The following CENPP variants were observed in gnomAD, a reference collection of about 807,000 sequenced individuals.
CENPP encodes the protein centromere protein P.
Under a neutral mutation model 35.6 loss-of-function variants are expected in CENPP, and 24 were observed. The ratio of observed to expected loss-of-function variants is 0.67; its 90% CI spans 0.49 to 0.95. The LOEUF (loss-of-function observed/expected upper bound fraction) is 0.95, where lower values mean the gene tolerates loss of function less well. Among genes scored for constraint, CENPP ranks in the 40% least tolerant of loss-of-function variants. The pLI is 0.00. For synonymous variants in CENPP, 120 were observed against 125.5 expected (o/e 0.96, Z 0.29); for missense variants, 332 against 345.3 (o/e 0.96, Z 0.31).
chr9:92,383,512 C>A (rs1212953275), intron 5 of CENPP, among the ~76,000 whole-genome samples: 1 of 151,760 alleles, frequency 6.6e-6, no homozygotes, highest in African/African-American at 2.4e-5. Context: ...AATTTAAAGC[C>A]TCTAATTATT....
intron 5 of CENPP, among the ~76,000 whole-genome samples, chr9:92,405,831 C>T (rs1011055542): frequency 1.3e-5 from 2 of 152,186 alleles, no homozygotes; most frequent in African/African-American, 4.8e-5. Flanking sequence ...CCAGTGAATA[C>T]AATGTTATTA....
chr9:92,545,246 C>T (rs374573481), intron 5 of CENPP, among the ~76,000 whole-genome samples: 61 of 152,196 alleles, frequency 4.0e-4, no homozygotes, highest in African/African-American at 1.4e-3. Context: ...AGGCCGGAGC[C>T]GCTCAGGTTT....
chr9:92,541,638 G>A (rs1849322755), intron 5 of CENPP, among the ~76,000 whole-genome samples: 1 of 151,762 alleles, frequency 6.6e-6, no homozygotes, highest in East Asian at 1.9e-4. Flanking sequence ...GTTCATCCAT[G>A]TTGTCATAAA....
intron 5 of CENPP, among the ~76,000 whole-genome samples, chr9:92,511,207 C>A (rs1463429296): frequency 2.0e-5 from 3 of 152,116 alleles, no homozygotes; most frequent in African/African-American, 7.2e-5. Flanking sequence ...CTCACTGCAA[C>A]CTCCGCCTCC....
intron 5 of CENPP, among the ~76,000 whole-genome samples, chr9:92,452,999 T>C (rs1844759056): frequency 6.6e-6 from 1 of 152,220 alleles, no homozygotes; most frequent in Admixed American, 6.5e-5. Context: ...TTTTCTTCTT[T>C]ATTAGTCTTG....
rs149471638 is a variant in CENPP, at chr9:92,544,595, C to G, written c.565-66719C>G. Among the ~76,000 whole-genome samples, 100 of 151,160 alleles carry G rather than the reference C, an allele frequency of 6.6e-4. No homozygotes were observed. In the East Asian group the frequency reaches 0.019, roughly 29 times the overall value. On this transcript the variant is annotated intron_variant, in intron 5 of 7. Coordinates refer to ENST00000375587, the MANE Select transcript of CENPP (RefSeq NM_001012267.3). ...TGAATTTTGTCAAATATTCTACATT[C>G]CAAAGTTGTTCTTTAAAAAACAAAA...
chr9:92,422,701 G>C (rs552706010), intron 5 of CENPP, among the ~76,000 whole-genome samples: 1 of 152,072 alleles, frequency 6.6e-6, no homozygotes, highest in African/African-American at 2.4e-5. Context: ...GCAGTTTTCT[G>C]TTTTGAAATC....
At chr9:92,494,096 A>G in intron 5 of CENPP, 2 of 1,597,712 alleles carry the variant, frequency 1.3e-6, no homozygotes, top group Non-Finnish European at 1.7e-6. Context: ...CCAGAGAGGA[A>G]AGGCCACATC....
At chr9:92,577,710 C>T (rs1220995792) in intron 5 of CENPP, among the ~76,000 whole-genome samples, 1 of 152,080 alleles carries the variant, frequency 6.6e-6, no homozygotes, top group Admixed American at 6.6e-5. Flanking sequence ...GTCCCAGCTA[C>T]TTGGAAGCTG....
At chr9:92,404,963 G>T (rs1843265976) in intron 5 of CENPP, among the ~76,000 whole-genome samples, 1 of 151,988 alleles carries the variant, frequency 6.6e-6, no homozygotes, top group Admixed American at 6.6e-5. Flanking sequence ...ATTTTATGAG[G>T]ATTAAAAATA....
chr9:92,337,267 G>C (rs761111911), intron 2 of CENPP, among the ~76,000 whole-genome samples: 1 of 151,934 alleles, frequency 6.6e-6, no homozygotes, highest in Middle Eastern at 3.4e-3. Context: ...GCAGCGAGTC[G>C]AGATCGCACC....
At chr9:92,410,323 C>T (rs1328672914) in intron 5 of CENPP, among the ~76,000 whole-genome samples, 2 of 152,168 alleles carry the variant, frequency 1.3e-5, no homozygotes, top group African/African-American at 4.8e-5. Context: ...AATCTGTCTC[C>T]TCCTTGGGCC....
chr9:92,461,237 G>A (rs1845096940), intron 5 of CENPP, among the ~76,000 whole-genome samples: 2 of 152,064 alleles, frequency 1.3e-5, no homozygotes, highest in Non-Finnish European at 2.9e-5. Context: ...GTCTCTAACT[G>A]ATAAGGTCAT....
intron 5 of CENPP, among the ~76,000 whole-genome samples, chr9:92,461,675 T>C (rs1845118232): frequency 6.6e-6 from 1 of 152,158 alleles, no homozygotes. Context: ...TCATGCACGA[T>C]TGTTGCCTAG....
intron 5 of CENPP, among the ~76,000 whole-genome samples, chr9:92,499,691 C>T (rs1426823879): frequency 5.3e-5 from 8 of 152,190 alleles, no homozygotes; most frequent in African/African-American, 1.9e-4. Flanking sequence ...TTCCCAAACC[C>T]CCATCTCTTC....
chr9:92,478,830 A>G (rs1845807290), intron 5 of CENPP, among the ~76,000 whole-genome samples: 1 of 152,124 alleles, frequency 6.6e-6, no homozygotes, highest in African/African-American at 2.4e-5. Flanking sequence ...GGAAAAACCT[A>G]TTTAACAGAT....
At chr9:92,606,248 T>A (rs1040023470) in intron 5 of CENPP, among the ~76,000 whole-genome samples, 1 of 151,662 alleles carries the variant, frequency 6.6e-6, no homozygotes, top group African/African-American at 2.4e-5. Flanking sequence ...TGAGAGAGAG[T>A]AAGATTCTGT....
chr9:92,412,356 G>C (rs1045054053), intron 5 of CENPP, among the ~76,000 whole-genome samples: 2 of 152,054 alleles, frequency 1.3e-5, no homozygotes, highest in Non-Finnish European at 2.9e-5. Flanking sequence ...CAGAGCACTA[G>C]GATTACAGAT....
intron 5 of CENPP, among the ~76,000 whole-genome samples, chr9:92,491,689 C>T (rs1846176244): frequency 6.6e-6 from 1 of 152,144 alleles, no homozygotes; most frequent in African/African-American, 2.4e-5. Context: ...TTCTTTGGTC[C>T]CTTTTCTGTG....
Sources: allele counts gnomAD v4.1 joint callset (sites outside exome capture counted in the v4.1 genomes callset), GRCh38; gene constraint gnomAD v4.1.1; transcripts MANE v1.5; gene names NCBI Gene and HGNC (gene_info 2026-07-23, HGNC 2026-07-21).